The following TFEB variants were observed in gnomAD, a reference collection of about 807,000 sequenced individuals.
The protein encoded by TFEB is transcription factor EB.
TFEB carries 12 observed loss-of-function variants against 48.0 expected under a neutral mutation model. That is an observed-to-expected ratio of 0.25 (90% CI 0.16 to 0.40). The LOEUF (loss-of-function observed/expected upper bound fraction) is 0.40. Ranked by LOEUF, TFEB falls within the 10% of genes least tolerant of loss-of-function variation. The pLI is 1.00. For missense variants in TFEB, 509 were observed against 640.3 expected (o/e 0.79, Z 2.21); for synonymous variants, 244 against 261.4 (o/e 0.93, Z 0.64).
Position 41,690,794 on chromosome 6 carries a change from C to T in TFEB, c.337G>A (p.Gly113Ser). 6.2e-7 allele frequency: 1 copy of T among 1,612,828 alleles called. No homozygotes were observed. Among genetic ancestry groups the T allele is most frequent in the Non-Finnish European group, 8.5e-7 (1 of 1,179,412 alleles). Residue 113 changes from glycine to serine, a missense_variant, in exon 3 of 9, where the codon GGC becomes AGC. Physicochemically the swap from Gly to Ser is moderately conservative, Grantham distance 56 (BLOSUM62 0). This residue lies in a region of TFEB where 251 missense variants were observed against 317.2 expected (regional missense o/e 0.79). Transcript: ENST00000373033. ...KFAAHISPAQ[G>S]SPKPPPAASP... The stretch of plus-strand genomic sequence containing the variant: ...GCGGCTGGTGGGGGTTTCGGAGAGC[C>T]CTGGGCTGGGCTGATGTGGGCAGCA...
At position 41,711,207 on chromosome 6, in the gene TFEB, C is replaced by T. The variant is rs182272026; in HGVS notation, c.-22-19972G>A. ...CTAGGAAGTAGGAAATACTACTGTA[C>T]TCATTTTACAAATGAGAAACAGGTA... On this transcript the variant is annotated intron_variant, in intron 1 of 8. Transcript: ENST00000373033. Among the ~76,000 whole-genome samples the T allele has an allele frequency of 2.8e-4, 43 of 152,322 alleles. No individual in the cohort carries two copies. In the East Asian group the frequency reaches 5.8e-3, roughly 20 times the overall value.
rs1461629649 is a variant in TFEB at position 41,720,454 on chromosome 6, A to G, written c.-23+14896T>C. 3 of 152,354 alleles carry G rather than the reference A, an allele frequency of 2.0e-5. No individual in the cohort carries two copies. The highest frequency in any genetic ancestry group is 4.4e-5 in the Non-Finnish European group (3 of 68,172). The allele number at this position is 152,354 out of a possible 1,614,324, so 9.4% of individuals were successfully genotyped here. A position where few individuals can be genotyped will look rare whatever the true frequency, so the allele number is the denominator to read the frequency against. ...AGTCCTCCCAGCCTTAAAGACGACA[A>G]TCATAACCCACCCAGAGCTCTTCAT... On this transcript the variant is annotated intron_variant, in intron 1 of 8. Coordinates refer to ENST00000373033, the MANE Select transcript of TFEB (RefSeq NM_001271944.2). This position sits in a 1 kb window ranked among gnomAD's most constrained non-coding sequence, Gnocchi z 4.1.
intron 1 of TFEB, among the ~76,000 whole-genome samples, chr6:41,697,150 G>A (rs1039500249): frequency 1.3e-5 from 2 of 152,162 alleles, no homozygotes; most frequent in Admixed American, 6.5e-5. Context: ...GCTCACGCCT[G>A]TAATCCCAGC....
At chr6:41,733,762 C>T in intron 1 of TFEB, 2 of 985,014 alleles carry the variant, frequency 2.0e-6, no homozygotes, top group Non-Finnish European at 2.4e-6. Flanking sequence ...GCTGTCCCTC[C>T]CCGGACAGTG....
chr6:41,734,676 T>C lies in TFEB; in HGVS notation c.-23+674A>G, dbSNP rs903045509. Among the ~76,000 whole-genome samples, 4 of 149,688 alleles carry C rather than the reference T, an allele frequency of 2.7e-5. No individual in the cohort carries two copies. Among genetic ancestry groups the C allele is most frequent in the Non-Finnish European group, 5.9e-5 (4 of 67,452 alleles). The stretch of plus-strand genomic sequence containing the variant: ...CCGGGGTTGGTGTTCCCCAGGGTCA[T>C]AGAATAACCCACGGGGAGAAAGAGA... On this transcript the variant is annotated intron_variant, in intron 1 of 8. Transcript: ENST00000373033. This position sits in a 1 kb window ranked among gnomAD's most constrained non-coding sequence, Gnocchi z 4.0.
At chr6:41,694,449 C>G (rs1037572209) in intron 1 of TFEB, among the ~76,000 whole-genome samples, 1 of 152,138 alleles carries the variant, frequency 6.6e-6, no homozygotes, top group Non-Finnish European at 1.5e-5. Context: ...AGCTTGTCCT[C>G]CAGTGAAGCT....
In TFEB at chr6:41,687,935, C is replaced by G; in HGVS notation, c.643G>C (p.Asp215His). The G allele has an allele frequency of 6.2e-7, 1 of 1,613,988 alleles. No homozygotes were observed. Among genetic ancestry groups the G allele is most frequent in the Non-Finnish European group, 8.5e-7 (1 of 1,179,924 alleles). Residue 215 changes from aspartate (D) to histidine (H), a missense_variant, in exon 5 of 9, where the codon GAC becomes CAC. Asp to His is a moderately conservative substitution (Grantham distance 81). Transcript: ENST00000373033. ...VGVTSSSCPA[D>H]LTQKRELTDA... ...GTGAGCTCTCGCTTCTGGGTCAGGT[C>G]CGCAGGGCAGGAGCTGCTGGTGACG...
At chr6:41,736,049 G>C, upstream of TFEB, 1 of 1,502,040 alleles carries the variant, frequency 6.7e-7, no homozygotes, top group Non-Finnish European at 9.3e-7. Flanking sequence ...GATCATAAGG[G>C]GCAAGGCCAG....
chr6:41,708,465 C>T (rs1430740314), intron 1 of TFEB, among the ~76,000 whole-genome samples: 1 of 152,242 alleles, frequency 6.6e-6, no homozygotes, highest in African/African-American at 2.4e-5. Flanking sequence ...CCCTCCCTTC[C>T]CCACCACCTC....
At chr6:41,717,801 A>G (rs910136789) in intron 1 of TFEB, among the ~76,000 whole-genome samples, 37 of 152,358 alleles carry the variant, frequency 2.4e-4, no homozygotes, top group African/African-American at 8.7e-4. Flanking sequence ...CTGGCCATGG[A>G]GTCAGGAGCA....
chr6:41,686,960 T>C, intron 7 of TFEB, 134 bp downstream of exon 7: 1 of 768,222 alleles, frequency 1.3e-6, no homozygotes, highest in Non-Finnish European at 2.2e-6. Flanking sequence ...GGGAGAGATC[T>C]TTTCTCAAAT....
intron 1 of TFEB, among the ~76,000 whole-genome samples, chr6:41,718,323 C>G (rs1483358946): frequency 6.6e-6 from 1 of 152,106 alleles, no homozygotes; most frequent in Non-Finnish European, 1.5e-5. Flanking sequence ...ATCGTCCCAC[C>G]TCAGCCTCTC....
Position 41,734,064 on chromosome 6 carries a change from G to A in TFEB, c.-23+1286C>T. On this transcript the variant is annotated intron_variant, in intron 1 of 8. Coordinates refer to ENST00000373033, the MANE Select transcript of TFEB (RefSeq NM_001271944.2). The surrounding 1 kb of genome is among the most constrained non-coding windows in gnomAD (Gnocchi z 4.0). ...TCGGGATGGGGGGAGGGCAGAGGAT[G>A]GGAGCTGGGCAGTAATTAACCTGCA... The A allele has an allele frequency of 5.1e-6, 1 of 194,640 alleles. No individual in the cohort carries two copies. Among genetic ancestry groups the A allele is most frequent in the Non-Finnish European group, 9.4e-6 (1 of 106,880 alleles). The allele number at this position is 194,640 out of a possible 1,614,324, so 12.1% of individuals were successfully genotyped here. A position where few individuals can be genotyped will look rare whatever the true frequency, so the allele number is the denominator to read the frequency against.
intron 1 of TFEB, among the ~76,000 whole-genome samples, chr6:41,702,459 C>G (rs978103021): frequency 2.6e-5 from 4 of 152,100 alleles, no homozygotes; most frequent in African/African-American, 7.2e-5. Flanking sequence ...TGGGACTCAG[C>G]CATAGATGGC....
intron 1 of TFEB, among the ~76,000 whole-genome samples, chr6:41,721,053 C>A (rs1770958148): frequency 6.6e-6 from 1 of 151,966 alleles, no homozygotes; most frequent in East Asian, 1.9e-4. Context: ...AACCATTCAC[C>A]CCAGGCATCA....
Position 41,684,190 on chromosome 6 carries a change from C to G in TFEB, c.*409G>C. On this transcript the variant is annotated 3_prime_UTR_variant, in exon 9 of 9. Transcript: ENST00000373033. ...CCATCTGAGTCCCAAAAAGGCAGGC[C>G]TGAGCACCCCCAGGACCAGTTGCCT... 1 of 237,342 alleles carries G rather than the reference C, an allele frequency of 4.2e-6. No individual in the cohort carries two copies. The allele number at this position is 237,342 out of a possible 1,614,324, so 14.7% of individuals were successfully genotyped here.
intron 1 of TFEB, among the ~76,000 whole-genome samples, chr6:41,697,131 G>A (rs1482894023): frequency 6.6e-6 from 1 of 151,214 alleles, no homozygotes; most frequent in Non-Finnish European, 1.5e-5. Flanking sequence ...AGACCAGCCT[G>A]GCATGGTGGC....
chr6:41,690,599 C>T, intron 3 of TFEB, 64 bp downstream of exon 3: 1 of 1,453,278 alleles, frequency 6.9e-7, no homozygotes, highest in Non-Finnish European at 9.1e-7. Flanking sequence ...CTGGGAGTCT[C>T]AGAAGCACAG....
intron 1 of TFEB, among the ~76,000 whole-genome samples, chr6:41,698,668 G>A (rs1448753480): frequency 6.6e-6 from 1 of 152,200 alleles, no homozygotes; most frequent in South Asian, 2.1e-4. Flanking sequence ...AGTCGTGGGG[G>A]AGCTGCCCGG....
Sources: gnomAD v4.1 joint callset for allele counts (sites outside exome capture counted in the v4.1 genomes callset) on GRCh38, gnomAD v4.1.1 for gene constraint, gnomAD v4.1.1 regional missense constraint, Gnocchi (gnomAD v3.1) non-coding constraint, MANE v1.5 for transcripts, NCBI Gene and HGNC (gene_info 2026-07-23, HGNC 2026-07-21) for gene names.